PIEZO2: variants seen among roughly 807,000 people sequenced by gnomAD.
PIEZO2 encodes the protein piezo type mechanosensitive ion channel component 2, also known as piezo-type mechanosensitive ion channel component 2.
PIEZO2 carries 172 observed loss-of-function variants against 337.3 expected under a neutral mutation model. The observed-to-expected ratio is 0.51, with a 90% confidence interval of 0.45 to 0.58. The LOEUF (loss-of-function observed/expected upper bound fraction) is 0.58. PIEZO2 is among the 20% of genes least tolerant of loss of function. The pLI, the probability that PIEZO2 is intolerant of heterozygous loss-of-function variation, is 0.00. For missense variants in PIEZO2, 3,028 were observed against 3,391.3 expected, an observed-to-expected ratio of 0.89 and a Z score of 2.66; for synonymous variants, 1,251 against 1,228.5, an observed-to-expected ratio of 1.02 and a Z score of -0.38.
intron 35 of PIEZO2, among the ~76,000 whole-genome samples, chr18:10,733,313 A>G (rs933102608): frequency 2.0e-5 from 3 of 152,128 alleles, no homozygotes; most frequent in African/African-American, 7.2e-5. Context: ...CTTAACTTTG[A>G]TGTTTTGAAA....
rs995052605 is a variant in PIEZO2, at chr18:10,758,019, A to G, written c.3873T>C (p.Asp1291=). Reference sequence around the variant, plus strand: ...GGTTATGTTGGCTGAAGGAGGCCGCATCAAGGTTCATGCAGATCTCGACAT... The same window carrying G: ...GGTTATGTTGGCTGAAGGAGGCCGCGTCAAGGTTCATGCAGATCTCGACAT... ...GDNVEICMNL[D]AASFSQHNPV... The change falls in exon 27 of 56, where the codon GAT becomes GAC. Residue 1291 remains aspartate, a synonymous_variant. Transcript: ENST00000674853. 2.0e-6 allele frequency: 3 copies of G among 1,537,060 alleles called. No individual in the cohort carries two copies. Among genetic ancestry groups the G allele is most frequent in the Non-Finnish European group, 2.6e-6 (3 of 1,146,734 alleles).
chr18:10,702,267 C>A, intron 42 of PIEZO2, 96 bp from the exon 43 acceptor site: 4 of 1,209,254 alleles, frequency 3.3e-6, no homozygotes, highest in African/African-American at 1.6e-5. Flanking sequence ...AAGAAAGAGA[C>A]CCGCATTTCA....
rs2041813393 is a variant in PIEZO2 at position 10,859,383 on chromosome 18, A to T, written c.493-2172T>A. Among the ~76,000 whole-genome samples the T allele has an allele frequency of 6.6e-6, 1 of 152,208 alleles. No individual in the cohort carries two copies. The highest frequency in any genetic ancestry group is 2.4e-5 in the African/African-American group (1 of 41,466). On this transcript the variant is annotated intron_variant, in intron 5 of 55. Transcript: ENST00000674853. This position sits in a 1 kb window ranked among gnomAD's most constrained non-coding sequence, Gnocchi z 4.9. The stretch of plus-strand genomic sequence containing the variant: ...CAGAGAGGAGCTGCCAGCTCCAGCC[A>T]GTACATCAGACCACTCACCTGCAGC...
At chr18:11,139,256 G>A (rs1411596077) in intron 1 of PIEZO2, among the ~76,000 whole-genome samples, 1 of 152,174 alleles carries the variant, frequency 6.6e-6, no homozygotes, top group Non-Finnish European at 1.5e-5. Context: ...GAATGACAGA[G>A]CCAAGATCAG....
chr18:10,793,810 A>G (rs570270783), intron 13 of PIEZO2, among the ~76,000 whole-genome samples: 3 of 152,308 alleles, frequency 2.0e-5, no homozygotes, highest in African/African-American at 7.2e-5. Context: ...GTCCATGAAC[A>G]CAGGGGTTAT....
chr18:10,782,747 AG>A (rs1455492386), intron 17 of PIEZO2, among the ~76,000 whole-genome samples: 1 of 151,726 alleles, frequency 6.6e-6, no homozygotes, highest in Non-Finnish European at 1.5e-5. Context: ...CATGGGGTGC[AG>A]GGTAAGGGCT....
intron 2 of PIEZO2, among the ~76,000 whole-genome samples, chr18:11,024,628 A>G (rs190952336): frequency 7.9e-5 from 12 of 151,584 alleles, no homozygotes; most frequent in Admixed American, 5.9e-4. Flanking sequence ...TATAAGGTCT[A>G]TTTAAGGTTT....
intron 1 of PIEZO2, among the ~76,000 whole-genome samples, chr18:11,122,937 A>G (rs555211818): frequency 6.6e-6 from 1 of 150,708 alleles, no homozygotes; most frequent in Non-Finnish European, 1.5e-5. Flanking sequence ...TATGTTATAT[A>G]TAAGTTATAT....
intron 1 of PIEZO2, among the ~76,000 whole-genome samples, chr18:11,085,024 T>G (rs2038867046): frequency 6.6e-6 from 1 of 152,246 alleles, no homozygotes; most frequent in African/African-American, 2.4e-5. Context: ...AAACAGCTGC[T>G]AAGTAAATAA....
Position 10,761,121 on chromosome 18 carries a change from A to C in PIEZO2, c.3250-10T>G. On this transcript the variant is annotated splice_polypyrimidine_tract_variant and intron_variant, in intron 23 of 55. Coordinates refer to ENST00000674853, the MANE Select transcript of PIEZO2 (RefSeq NM_001378183.1). ...GCATCAGGAGGTTATTCTACAAAGC[A>C]AGGAAACACAAATGTGTCAGCCAGA... The C allele has an allele frequency of 6.5e-7, 1 of 1,534,776 alleles. No individual in the cohort carries two copies. The highest frequency in any genetic ancestry group is 8.7e-7 in the Non-Finnish European group (1 of 1,144,708).
intron 33 of PIEZO2, chr18:10,738,121 C>T (rs767051232): frequency 3.3e-5 from 5 of 152,114 alleles, no homozygotes; most frequent in African/African-American, 4.8e-5. Flanking sequence ...GAAATAAATG[C>T]AATACAACAC....
rs992220622 is a variant in PIEZO2 at position 11,080,152 on chromosome 18, T to C, written c.65-13930A>G. ...CTCTCATCTACACAGAAAACACCTA[T>C]AAAAATAACAGACTATTAACAGTAG... On this transcript the variant is annotated intron_variant, in intron 1 of 55. Transcript: ENST00000674853. The surrounding 1 kb of genome is among the most constrained non-coding windows in gnomAD (Gnocchi z 5.4). Among the ~76,000 whole-genome samples the C allele has an allele frequency of 6.6e-6, 1 of 152,166 alleles. No homozygotes were observed. Among genetic ancestry groups the C allele is most frequent in the Non-Finnish European group, 1.5e-5 (1 of 68,028 alleles).
At chr18:10,904,936 T>C (rs2145030747) in intron 4 of PIEZO2, among the ~76,000 whole-genome samples, 1 of 152,186 alleles carries the variant, frequency 6.6e-6, no homozygotes, top group East Asian at 1.9e-4. Flanking sequence ...TCCATTCCTG[T>C]GATGTTTATC....
chr18:10,679,688 A>C (rs1028606166), intron 52 of PIEZO2, among the ~76,000 whole-genome samples: 6 of 152,200 alleles, frequency 3.9e-5, no homozygotes, highest in African/African-American at 1.4e-4. Context: ...TTTCCATGGA[A>C]GATTATGGAC....
intron 2 of PIEZO2, among the ~76,000 whole-genome samples, chr18:11,036,033 G>T (rs1295190731): frequency 1.3e-5 from 2 of 152,184 alleles, no homozygotes; most frequent in Non-Finnish European, 2.9e-5. Context: ...CAAGGCCTCT[G>T]TCCCTCATCC....
chr18:10,727,824 G>T lies in PIEZO2; in HGVS notation c.5029+3583C>A, dbSNP rs1307739982. On this transcript the variant is annotated intron_variant, in intron 36 of 55. Coordinates refer to ENST00000674853, the MANE Select transcript of PIEZO2 (RefSeq NM_001378183.1). The surrounding 1 kb of genome is among the most constrained non-coding windows in gnomAD (Gnocchi z 6.3). ...TTGTCCCTGAGGGACAGGCCCTAGA[G>T]TTTGGTGGCCCAAGTCCTAAACCCC... 6.6e-6 allele frequency: 1 copy of T among 152,280 alleles called. No individual in the cohort carries two copies. The highest frequency in any genetic ancestry group is 2.4e-5 in the African/African-American group (1 of 41,458). The allele number at this position is 152,280 out of a possible 1,614,324, so 9.4% of individuals were successfully genotyped here. A position where few individuals can be genotyped will look rare whatever the true frequency, so the allele number is the denominator to read the frequency against.
At chr18:10,717,017 G>C (rs1005522640) in intron 37 of PIEZO2, among the ~76,000 whole-genome samples, 7 of 152,086 alleles carry the variant, frequency 4.6e-5, no homozygotes, top group Non-Finnish European at 1.0e-4. Flanking sequence ...TTAACCACAG[G>C]GGCAGTAGGG....
intron 53 of PIEZO2, among the ~76,000 whole-genome samples, chr18:10,675,513 A>G (rs1337433749): frequency 6.6e-6 from 1 of 152,214 alleles, no homozygotes; most frequent in African/African-American, 2.4e-5. Flanking sequence ...GTAAGTCTGT[A>G]CAACAAGCTC....
At chr18:10,921,901 C>G (rs367896620) in intron 3 of PIEZO2, among the ~76,000 whole-genome samples, 1 of 152,104 alleles carries the variant, frequency 6.6e-6, no homozygotes, top group Non-Finnish European at 1.5e-5. Context: ...TCTCCCATAG[C>G]GCTCCCAGGC....
Sources: allele counts gnomAD v4.1 joint callset (sites outside exome capture counted in the v4.1 genomes callset), GRCh38; gene constraint gnomAD v4.1.1; non-coding constraint Gnocchi (gnomAD v3.1); transcripts MANE v1.5; gene names NCBI Gene and HGNC (gene_info 2026-07-23, HGNC 2026-07-21).